Variants in SPTBN1 observed in about 807,000 individuals in gnomAD.
The protein encoded by SPTBN1 is spectrin beta chain, non-erythrocytic 1.
A neutral mutation model predicts 266.4 loss-of-function variants in SPTBN1; 32 were observed. The ratio of observed to expected loss-of-function variants is 0.12; its 90% CI spans 0.09 to 0.16. The LOEUF is 0.16. Among genes scored for constraint, SPTBN1 ranks in the 10% least tolerant of loss-of-function variants. The pLI, the probability that SPTBN1 is intolerant of heterozygous loss-of-function variation, is 1.00. For synonymous variants in SPTBN1, 1,336 were observed against 1,162.2 expected, an observed-to-expected ratio of 1.15 and a Z score of -3.04; for missense variants, 2,296 against 3,067.1, an observed-to-expected ratio of 0.75 and a Z score of 5.94.
At position 54,653,361 on chromosome 2, in the gene SPTBN1, G is replaced by A. The variant is rs571239721; in HGVS notation, c.5578-248G>A. On this transcript the variant is annotated intron_variant, in intron 26 of 35. Transcript: ENST00000356805. The surrounding 1 kb of genome is among the most constrained non-coding windows in gnomAD (Gnocchi z 5.1). Reference sequence around the variant, plus strand: ...TTTCCCTGACTAAACTCTCCTGCCTGTCTTCCTGTAGCATTTCATTTGTTT... The same window carrying A: ...TTTCCCTGACTAAACTCTCCTGCCTATCTTCCTGTAGCATTTCATTTGTTT... The A allele has an allele frequency of 1.4e-5, 7 of 491,466 alleles. No homozygotes were observed. Among genetic ancestry groups the A allele is most frequent in the African/African-American group, 1.2e-4 (6 of 49,910 alleles). The allele number at this position is 491,466 out of a possible 1,614,324, so 30.4% of individuals were successfully genotyped here. A position where few individuals can be genotyped will look rare whatever the true frequency, so the allele number is the denominator to read the frequency against.
intron 32 of SPTBN1, 38 bp downstream of exon 32, chr2:54,660,037 A>C: frequency 6.2e-7 from 1 of 1,614,162 alleles, no homozygotes; most frequent in East Asian, 2.2e-5. Flanking sequence ...AACTACAAAA[A>C]CTTTAATAGC....
At chr2:54,615,707 A>G (rs1677560511) in intron 4 of SPTBN1, among the ~76,000 whole-genome samples, 1 of 152,176 alleles carries the variant, frequency 6.6e-6, no homozygotes, top group Admixed American at 6.5e-5. Context: ...AATGTTGCAA[A>G]TATGCTGCCT....
intron 2 of SPTBN1, among the ~76,000 whole-genome samples, chr2:54,589,122 T>C (rs1675497747): frequency 6.6e-6 from 1 of 152,218 alleles, no homozygotes; most frequent in African/African-American, 2.4e-5. Context: ...AATTAACTTA[T>C]TATTGATTAA....
intron 2 of SPTBN1, among the ~76,000 whole-genome samples, chr2:54,552,089 A>G (rs990943961): frequency 1.3e-5 from 2 of 152,168 alleles, no homozygotes; most frequent in African/African-American, 2.4e-5. Flanking sequence ...CCACTGAGAA[A>G]TGCCCTTTGC....
intron 3 of SPTBN1, 67 bp downstream of exon 3, chr2:54,599,310 A>G (rs1307993837): frequency 6.4e-7 from 1 of 1,572,352 alleles, no homozygotes; most frequent in Non-Finnish European, 8.7e-7. Flanking sequence ...ATCAAGTGTG[A>G]CTTGTCTCCT....
At position 54,645,114 on chromosome 2, in the gene SPTBN1, C is replaced by A; in HGVS notation, c.4270-115C>A. Reference sequence around the variant, plus strand: ...AGTCAGTGGCAAAATGTTTGAGTGGCTCCCATGGCTGGCTTTGCGGTGTGG... The same window carrying A: ...AGTCAGTGGCAAAATGTTTGAGTGGATCCCATGGCTGGCTTTGCGGTGTGG... On this transcript the variant is annotated intron_variant, in intron 20 of 35. Transcript: ENST00000356805. The surrounding 1 kb of genome is among the most constrained non-coding windows in gnomAD (Gnocchi z 4.3). 1 of 1,014,652 alleles carries A rather than the reference C, an allele frequency of 9.9e-7. No homozygotes were observed. Among genetic ancestry groups the A allele is most frequent in the Non-Finnish European group, 1.5e-6 (1 of 681,936 alleles). The allele number at this position is 1,014,652 out of a possible 1,614,324, so 62.9% of individuals were successfully genotyped here.
chr2:54,642,531 T>TTTTTG (rs71408779), intron 18 of SPTBN1, among the ~76,000 whole-genome samples: 1 of 76,536 alleles, frequency 1.3e-5, no homozygotes, highest in African/African-American at 4.1e-5. Context: ...AATAAGTAGT[T>TTTTTG]TTTTTTTTTT....
At chr2:54,547,286 G>A (rs982682530) in intron 2 of SPTBN1, among the ~76,000 whole-genome samples, 2 of 152,084 alleles carry the variant, frequency 1.3e-5, no homozygotes, top group Non-Finnish European at 2.9e-5. Context: ...CCATGTTATA[G>A]CATATGACAG....
rs1418035084 is a variant in SPTBN1, at chr2:54,554,986, C to T, written c.148+28420C>T. ...AACCCAGCTTTTGCTTTTATTAACC[C>T]AGTTGACCTGCTAATTGGCACACCA... is the stretch of plus-strand genomic sequence containing the variant. On this transcript the variant is annotated intron_variant, in intron 2 of 35. Transcript: ENST00000356805. The surrounding 1 kb of genome is among the most constrained non-coding windows in gnomAD (Gnocchi z 4.5). Among the ~76,000 whole-genome samples the T allele has an allele frequency of 6.6e-6, 1 of 152,130 alleles. No individual in the cohort carries two copies. Among genetic ancestry groups the T allele is most frequent in the Non-Finnish European group, 1.5e-5 (1 of 68,020 alleles).
chr2:54,580,306 G>A (rs1258307995), intron 2 of SPTBN1, among the ~76,000 whole-genome samples: 3 of 152,286 alleles, frequency 2.0e-5, no homozygotes, highest in Non-Finnish European at 4.4e-5. Context: ...GTTAAAGGTA[G>A]AACTAACATA....
At chr2:54,514,949 A>G (rs188132727) in intron 1 of SPTBN1, among the ~76,000 whole-genome samples, 2 of 152,340 alleles carry the variant, frequency 1.3e-5, no homozygotes, top group East Asian at 3.9e-4. Flanking sequence ...AGGACTAGCA[A>G]ATTAACCACA....
intron 1 of SPTBN1, among the ~76,000 whole-genome samples, chr2:54,505,981 G>T (rs1669531403): frequency 6.6e-6 from 1 of 152,032 alleles, no homozygotes; most frequent in African/African-American, 2.4e-5. Flanking sequence ...AAAATTAGCT[G>T]GGCGAGGTGA....
At chr2:54,524,573 C>G (rs928694903) in intron 1 of SPTBN1, among the ~76,000 whole-genome samples, 1 of 152,194 alleles carries the variant, frequency 6.6e-6, no homozygotes, top group Non-Finnish European at 1.5e-5. Context: ...GGAGTAGCCT[C>G]CCAAGTGGCC....
intron 1 of SPTBN1, among the ~76,000 whole-genome samples, chr2:54,478,910 A>ATG (rs768402791): frequency 1.3e-3 from 174 of 136,720 alleles, no homozygotes; most frequent in Non-Finnish European, 2.6e-3. Flanking sequence ...GTGTATATAT[A>ATG]TGTGTATATA....
intron 26 of SPTBN1, among the ~76,000 whole-genome samples, chr2:54,651,112 T>A (rs188790301): frequency 1.3e-5 from 2 of 152,296 alleles, no homozygotes; most frequent in African/African-American, 2.4e-5. Flanking sequence ...TAACAAAAGT[T>A]TAGGGAAACA....
chr2:54,615,205 C>T (rs1454610522), intron 4 of SPTBN1, among the ~76,000 whole-genome samples: 2 of 152,018 alleles, frequency 1.3e-5, no homozygotes, highest in East Asian at 1.9e-4. Flanking sequence ...ACTTTTTAAT[C>T]CTGTATTTAT....
At chr2:54,610,464 C>T (rs951285868) in intron 3 of SPTBN1, among the ~76,000 whole-genome samples, 2 of 151,928 alleles carry the variant, frequency 1.3e-5, no homozygotes, top group African/African-American at 4.8e-5. Flanking sequence ...GGGTTTTTGC[C>T]ATGTTGTCCA....
chr2:54,533,840 C>T lies in SPTBN1; in HGVS notation c.148+7274C>T, dbSNP rs1671417046. On this transcript the variant is annotated intron_variant, in intron 2 of 35. Transcript: ENST00000356805. The surrounding 1 kb of genome is among the most constrained non-coding windows in gnomAD (Gnocchi z 4.2). ...TGCTGGGATTACAGGCGTGAGCCTC[C>T]ACGCCCGGCCTGCTGTAGTAATTTA... Among the ~76,000 whole-genome samples, 1 of 152,140 alleles carries T rather than the reference C, an allele frequency of 6.6e-6. No individual in the cohort carries two copies. The highest frequency in any genetic ancestry group is 2.1e-4 in the South Asian group (1 of 4,834).
At chr2:54,555,067 C>T (rs1214270171) in intron 2 of SPTBN1, among the ~76,000 whole-genome samples, 1 of 152,152 alleles carries the variant, frequency 6.6e-6, no homozygotes, top group African/African-American at 2.4e-5. Context: ...ACACTTAAGA[C>T]CATCTACCCT....
Sources: gnomAD v4.1 joint callset for allele counts (sites outside exome capture counted in the v4.1 genomes callset) on GRCh38, gnomAD v4.1.1 for gene constraint, Gnocchi (gnomAD v3.1) non-coding constraint, MANE v1.5 for transcripts, NCBI Gene and HGNC (gene_info 2026-07-23, HGNC 2026-07-21) for gene names.